FLT1: variants seen among roughly 807,000 people sequenced by gnomAD.
The protein encoded by FLT1 is fms related receptor tyrosine kinase 1, also known as vascular endothelial growth factor receptor 1.
A neutral mutation model predicts 156.3 loss-of-function variants in FLT1; 49 were observed. The observed-to-expected ratio is 0.31, with a 90% CI of 0.25 to 0.40. The LOEUF (loss-of-function observed/expected upper bound fraction) is 0.40. FLT1 is among the 10% of genes least tolerant of loss of function. The pLI is 1.00. For missense variants in FLT1, 1,322 were observed against 1,637.2 expected, an observed-to-expected ratio of 0.81 and a Z score of 3.32; for synonymous variants, 594 against 583.8, an observed-to-expected ratio of 1.02 and a Z score of -0.25.
intron 14 of FLT1, among the ~76,000 whole-genome samples, chr13:28,370,141 G>A (rs1873489978): frequency 6.6e-6 from 1 of 151,642 alleles, no homozygotes; most frequent in Admixed American, 6.6e-5. Flanking sequence ...CCATGGTGAC[G>A]CCACTGCCTT....
chr13:28,422,177 C>G (rs1232117212), intron 10 of FLT1, among the ~76,000 whole-genome samples: 1 of 152,110 alleles, frequency 6.6e-6, no homozygotes, highest in African/African-American at 2.4e-5. Flanking sequence ...CAGTGACGTG[C>G]CAAGTTGCTT....
At chr13:28,373,618 G>C (rs1222517483) in intron 14 of FLT1, among the ~76,000 whole-genome samples, 1 of 152,088 alleles carries the variant, frequency 6.6e-6, no homozygotes, top group Admixed American at 6.5e-5. Context: ...TAATTATTTT[G>C]CAAAAACATG....
At chr13:28,378,619 T>G (rs1873946787) in intron 14 of FLT1, among the ~76,000 whole-genome samples, 1 of 152,072 alleles carries the variant, frequency 6.6e-6, no homozygotes, top group South Asian at 2.1e-4. Flanking sequence ...TGTCTCAGCT[T>G]CCTCATCCAT....
intron 25 of FLT1, among the ~76,000 whole-genome samples, chr13:28,314,420 C>A (rs1205566625): frequency 6.6e-6 from 1 of 152,234 alleles, no homozygotes. Flanking sequence ...TAAAAAAATT[C>A]ATTGCTTATT....
At position 28,433,829 on chromosome 13, in the gene FLT1, T is replaced by G; in HGVS notation, c.803A>C (p.Tyr268Ser). 6.2e-7 allele frequency: 1 copy of G among 1,613,988 alleles called. No homozygotes were observed. Among genetic ancestry groups the G allele is most frequent in the Non-Finnish European group, 8.5e-7 (1 of 1,179,876 alleles). Reference protein sequence around the residue: ...LNTRVQMTWSYPDEKNKRASV... With the variant: ...LNTRVQMTWSSPDEKNKRASV... ...AAATGGGTCACTCACTTCATCAGGGTAACTCCAGGTCATTTGAACTCTCGT... is the reference window on the plus strand; with the variant it reads ...AAATGGGTCACTCACTTCATCAGGGGAACTCCAGGTCATTTGAACTCTCGT... Residue 268 changes from tyrosine (Y) to serine (S), a missense_variant, in exon 6 of 30, where the codon TAC becomes TCC. Around this residue, in one of 3 missense-constraint regions of FLT1, gnomAD observed 991 missense variants for 1,254.8 expected, o/e 0.79. Coordinates refer to ENST00000282397, the MANE Select transcript of FLT1 (RefSeq NM_002019.4).
rs192656532 is a variant in FLT1 at position 28,308,023 on chromosome 13, T to A, written c.3720+820A>T. 5.4e-3 allele frequency among the ~76,000 whole-genome samples: 829 copies of A among 152,294 alleles called. 2 individuals are homozygous for A. The highest frequency in any genetic ancestry group is 9.4e-3 in the Non-Finnish European group (636 of 68,004). ...TCCTGACCTCGTGATCCGCCTGCCT[T>A]GGCCTCCCAAAGTGCTGGGATTACA... is the stretch of plus-strand genomic sequence containing the variant. On this transcript the variant is annotated intron_variant, in intron 28 of 29. Coordinates refer to ENST00000282397, the MANE Select transcript of FLT1 (RefSeq NM_002019.4).
chr13:28,388,823 T>C, intron 13 of FLT1: 1 of 1,061,742 alleles, frequency 9.4e-7, no homozygotes, highest in Non-Finnish European at 1.1e-6. Context: ...TGCTGTCATT[T>C]TAACATGATG....
chr13:28,450,799 A>G (rs1449076939), intron 3 of FLT1, among the ~76,000 whole-genome samples: 3 of 152,192 alleles, frequency 2.0e-5, no homozygotes, highest in Admixed American at 1.3e-4. Context: ...ACTGTCCCAC[A>G]AGCACAGGAA....
At position 28,322,471 on chromosome 13, in the gene FLT1, A is replaced by G. The variant is rs1409008592; in HGVS notation, c.2954-112T>C. 2.5e-6 allele frequency: 2 copies of G among 793,716 alleles called. No individual in the cohort carries two copies. The highest frequency in any genetic ancestry group is 3.9e-5 in the Admixed American group (2 of 50,734). 49.2% of individuals were successfully genotyped at this position (793,716 alleles called of 1,614,324 possible). A position where few individuals can be genotyped will look rare whatever the true frequency, so the allele number is the denominator to read the frequency against. ...TAAAACAAACCAACAAGTAGATCAG[A>G]GTTCATTTTTAAGAGTATTTGAGTT... On this transcript the variant is annotated intron_variant, in intron 21 of 29. Transcript: ENST00000282397. This position sits in a 1 kb window ranked among gnomAD's most constrained non-coding sequence, Gnocchi z 4.3.
chr13:28,346,212 G>C (rs1329470818), intron 15 of FLT1: 2 of 152,620 alleles, frequency 1.3e-5, no homozygotes. Context: ...ATCCTTCCCA[G>C]TCACCTTCTC....
At chr13:28,389,279 G>C (rs1038988472) in intron 13 of FLT1, 6 of 1,174,912 alleles carry the variant, frequency 5.1e-6, no homozygotes, top group Admixed American at 8.4e-5. Flanking sequence ...AAATTCAACT[G>C]TACTCATTCT....
At chr13:28,327,756 CAA>C (rs56031277) in intron 19 of FLT1, among the ~76,000 whole-genome samples, 46 of 122,766 alleles carry the variant, frequency 3.7e-4, no homozygotes, top group African/African-American at 1.0e-3. Context: ...AATTGAAATA[CAA>C]AAAAAAAAAA....
At position 28,319,532 on chromosome 13, in the gene FLT1, A is replaced by T. The variant is rs1368441461; in HGVS notation, c.3177T>A (p.Thr1059=). 1.9e-6 allele frequency: 3 copies of T among 1,602,430 alleles called. No homozygotes were observed. Among genetic ancestry groups the T allele is most frequent in the Non-Finnish European group, 8.5e-7 (1 of 1,169,874 alleles). The change falls in exon 24 of 30, where the codon ACT becomes ACA. Residue 1059 remains threonine, a splice_region_variant and synonymous_variant. Coordinates refer to ENST00000282397, the MANE Select transcript of FLT1 (RefSeq NM_002019.4). ...KNPDYVRKGD[T]RLPLKWMAPE... ...GAGCCATCCATTTCAGAGGAAGTCGAGTCTAGAAGAGGGCAAGGGGGCCTT... is the reference window on the plus strand; with the variant it reads ...GAGCCATCCATTTCAGAGGAAGTCGTGTCTAGAAGAGGGCAAGGGGGCCTT...
At chr13:28,479,170 C>T (rs1162294581) in intron 1 of FLT1, among the ~76,000 whole-genome samples, 1 of 152,162 alleles carries the variant, frequency 6.6e-6, no homozygotes, top group Non-Finnish European at 1.5e-5. Flanking sequence ...AACCCTCTGA[C>T]CTTTGAGATT....
chr13:28,351,878 C>T (rs944785523), intron 15 of FLT1, among the ~76,000 whole-genome samples: 6 of 152,276 alleles, frequency 3.9e-5, no homozygotes, highest in African/African-American at 7.2e-5. Context: ...TATTAACAAA[C>T]GGTAATGTTA....
At chr13:28,377,633 C>T (rs1419516359) in intron 14 of FLT1, among the ~76,000 whole-genome samples, 3 of 152,166 alleles carry the variant, frequency 2.0e-5, no homozygotes, top group African/African-American at 4.8e-5. Flanking sequence ...CAGAGCCTAG[C>T]GCAGTGCCAG....
chr13:28,343,637 TTTTC>T (rs1039264727), intron 16 of FLT1, among the ~76,000 whole-genome samples: 2 of 151,296 alleles, frequency 1.3e-5, no homozygotes, highest in African/African-American at 4.9e-5. Context: ...TCTTTTCTTT[TTTTC>T]TTTCTTTTTT....
intron 1 of FLT1, among the ~76,000 whole-genome samples, chr13:28,473,701 A>G (rs28825447): frequency 1.8e-3 from 111 of 61,304 alleles, no homozygotes; most frequent in African/African-American, 4.7e-3. Flanking sequence ...GAGAAAGAAA[A>G]GAAAGAAAGA....
At chr13:28,323,074 T>C in intron 20 of FLT1, 128 bp from the exon 21 acceptor site, 1 of 993,870 alleles carries the variant, frequency 1.0e-6, no homozygotes, top group Non-Finnish European at 1.6e-6. Flanking sequence ...GATCGTGAAC[T>C]AGCACAGGGG....
Sources: allele counts gnomAD v4.1 joint callset (sites outside exome capture counted in the v4.1 genomes callset), GRCh38; gene constraint gnomAD v4.1.1; regional missense constraint gnomAD v4.1.1; non-coding constraint Gnocchi (gnomAD v3.1); transcripts MANE v1.5; gene names NCBI Gene and HGNC (gene_info 2026-07-23, HGNC 2026-07-21).